Variants in SLC36A1 observed in about 807,000 individuals in gnomAD.
SLC36A1 encodes proton-coupled amino acid transporter 1.
SLC36A1 carries 30 observed loss-of-function variants against 47.5 expected under a neutral mutation model. The observed-to-expected ratio is 0.63, with a 90% CI of 0.47 to 0.86. SLC36A1 has a LOEUF of 0.86. Ranked by LOEUF, SLC36A1 falls within the 40% of genes least tolerant of loss-of-function variation. The probability of loss-of-function intolerance (pLI) is 0.00; values close to 1 mark genes in which losing one functional copy is unlikely to be tolerated. For missense variants in SLC36A1, 517 were observed against 606.0 expected (o/e 0.85, Z 1.54); for synonymous variants, 255 against 249.7 (o/e 1.02, Z -0.20).
At chr5:151,495,126 C>G (rs1483142232), downstream of SLC36A1, among the ~76,000 whole-genome samples, 6 of 152,206 alleles carry the variant, frequency 3.9e-5, no homozygotes, top group African/African-American at 1.4e-4. Context: ...TACAGTTGCT[C>G]CATATCTTCA....
intron 2 of SLC36A1, among the ~76,000 whole-genome samples, chr5:151,462,235 CT>C (rs1455967640): frequency 1.3e-5 from 2 of 152,096 alleles, no homozygotes; most frequent in South Asian, 4.1e-4. Context: ...ACAAATATGA[CT>C]TTTTGATATT....
intron 7 of SLC36A1, among the ~76,000 whole-genome samples, chr5:151,472,151 C>G (rs1757395244): frequency 6.6e-6 from 1 of 152,220 alleles, no homozygotes; most frequent in East Asian, 1.9e-4. Flanking sequence ...CACGCAATCA[C>G]AGGTTTCCAC....
At chr5:151,553,063 G>T in the SLC36A1 span, 5 of 1,018,622 alleles carry the variant, frequency 4.9e-6, no homozygotes, top group African/African-American at 1.6e-5. Flanking sequence ...TGAAAGAGGG[G>T]CTGCCGAGGA....
chr5:151,534,649 G>A, the SLC36A1 span: 125 of 1,599,778 alleles, frequency 7.8e-5, no homozygotes, highest in East Asian at 2.0e-3. Context: ...TCCCCTGGTC[G>A]GAGAAATGAC....
chr5:151,515,876 T>C, the SLC36A1 span, among the ~76,000 whole-genome samples: 1 of 152,340 alleles, frequency 6.6e-6, no homozygotes, highest in East Asian at 1.9e-4. Flanking sequence ...AATTATCTGC[T>C]CAAAACCTTC....
At chr5:151,382,045 C>T in the SLC36A1 span, 6 of 682,130 alleles carry the variant, frequency 8.8e-6, no homozygotes, top group East Asian at 7.9e-5. Flanking sequence ...CCAGTCTTTG[C>T]CCTTCCTGTT....
chr5:151,429,173 C>T, the SLC36A1 span, among the ~76,000 whole-genome samples: 1 of 151,926 alleles, frequency 6.6e-6, no homozygotes, highest in Non-Finnish European at 1.5e-5. Flanking sequence ...CAGCATTTTA[C>T]CTATGATTTT....
chr5:151,452,658 C>G (rs1753817116), intron 1 of SLC36A1, among the ~76,000 whole-genome samples: 1 of 152,112 alleles, frequency 6.6e-6, no homozygotes, highest in Non-Finnish European at 1.5e-5. Flanking sequence ...CCCTTGAGGT[C>G]AAGAGTTTGA....
the SLC36A1 span, among the ~76,000 whole-genome samples, chr5:151,363,980 T>C: frequency 6.6e-6 from 1 of 152,218 alleles, no homozygotes; most frequent in Admixed American, 6.5e-5. Context: ...ATCCACAAAA[T>C]TATTACAACA....
At chr5:151,421,050 T>C in the SLC36A1 span, among the ~76,000 whole-genome samples, 1 of 151,808 alleles carries the variant, frequency 6.6e-6, no homozygotes, top group Non-Finnish European at 1.5e-5. Context: ...TTTTTTTGTA[T>C]TTTTAGTAGA....
chr5:151,462,030 T>C (rs1045732864), intron 2 of SLC36A1, among the ~76,000 whole-genome samples: 4 of 151,828 alleles, frequency 2.6e-5, no homozygotes, highest in Admixed American at 6.6e-5. Flanking sequence ...TGAGTACTTG[T>C]AAGACATTTT....
At chr5:151,480,106 C>G in intron 10 of SLC36A1, 1 of 1,488,090 alleles carries the variant, frequency 6.7e-7, no homozygotes, top group South Asian at 1.3e-5. Flanking sequence ...TGGTTGAAAA[C>G]TGGTGACATT....
At chr5:151,419,176 C>G in the SLC36A1 span, among the ~76,000 whole-genome samples, 1 of 152,166 alleles carries the variant, frequency 6.6e-6, no homozygotes, top group Non-Finnish European at 1.5e-5. Context: ...ATAAATTATC[C>G]AGTCTTGGGC....
chr5:151,494,790 A>G (rs559324016), downstream of SLC36A1, among the ~76,000 whole-genome samples: 55 of 152,250 alleles, frequency 3.6e-4, no homozygotes, highest in African/African-American at 1.3e-3. Flanking sequence ...TTTAGAAACT[A>G]CCTCTTCTTT....
chr5:151,512,663 T>TA, the SLC36A1 span: 1 of 1,438,514 alleles, frequency 7.0e-7, no homozygotes, highest in African/African-American at 1.4e-5. The surrounding 1 kb of genome is among the most constrained non-coding windows in gnomAD (Gnocchi z 4.1). Context: ...GTAAACCTGC[T>TA]AAGAGGCTGC....
the SLC36A1 span, among the ~76,000 whole-genome samples, chr5:151,405,430 G>A: frequency 7.1e-6 from 1 of 140,844 alleles, no homozygotes; most frequent in South Asian, 2.2e-4. Context: ...GCTCACTGTA[G>A]CCTCAACCTC....
At chr5:151,459,038 A>G (rs1755128434) in intron 2 of SLC36A1, 103 bp downstream of exon 2, 15 of 1,340,516 alleles carry the variant, frequency 1.1e-5, no homozygotes, top group South Asian at 1.4e-5. Context: ...CACTTTACAG[A>G]TGAAGGTCAG....
chr5:151,390,127 T>C, the SLC36A1 span, among the ~76,000 whole-genome samples: 64,515 of 151,960 alleles, frequency 0.42, 14,073 homozygotes, highest in African/African-American at 0.54. Flanking sequence ...TGGTATCTCA[T>C]TGTGGTTTTG....
chr5:151,541,268 G>A, the SLC36A1 span, among the ~76,000 whole-genome samples: 1 of 152,162 alleles, frequency 6.6e-6, no homozygotes, highest in Non-Finnish European at 1.5e-5. Flanking sequence ...AAGAATGTGG[G>A]AATATGGATT....
Sources: allele counts gnomAD v4.1 joint callset (sites outside exome capture counted in the v4.1 genomes callset), GRCh38; gene constraint gnomAD v4.1.1; non-coding constraint Gnocchi (gnomAD v3.1); transcripts MANE v1.5; gene names NCBI Gene and HGNC (gene_info 2026-07-23, HGNC 2026-07-21).